MAP2K5: variants seen among roughly 807,000 people sequenced by gnomAD.
MAP2K5 encodes dual specificity mitogen-activated protein kinase kinase 5.
Under a neutral mutation model 83.1 loss-of-function variants are expected in MAP2K5, and 49 were observed. That is an observed-to-expected ratio of 0.59 (90% CI 0.47 to 0.75). MAP2K5 has a LOEUF of 0.75. Ranked by LOEUF, MAP2K5 falls within the 30% of genes least tolerant of loss-of-function variation. The pLI, the probability that MAP2K5 is intolerant of heterozygous loss-of-function variation, is 0.00. For synonymous variants in MAP2K5, 202 were observed against 191.8 expected, an observed-to-expected ratio of 1.05 and a Z score of -0.44; for missense variants, 457 against 557.5, an observed-to-expected ratio of 0.82 and a Z score of 1.82.
chr15:67,630,474 A>G (rs2086446751), intron 8 of MAP2K5, among the ~76,000 whole-genome samples: 2 of 152,036 alleles, frequency 1.3e-5, no homozygotes, highest in Non-Finnish European at 2.9e-5. Flanking sequence ...AAAAAAAAGC[A>G]AAATGGCTCT....
At position 67,708,866 on chromosome 15, in the gene MAP2K5, A is replaced by C. The variant is rs1480973853; in HGVS notation, c.1044+5458A>C. On this transcript the variant is annotated intron_variant, in intron 16 of 21. Transcript: ENST00000178640. This position sits in a 1 kb window ranked among gnomAD's most constrained non-coding sequence, Gnocchi z 4.9. The stretch of plus-strand genomic sequence containing the variant: ...AGCAAAGAAACTTTAATATCAGACT[A>C]TCTTTTATCCAGGGACAGAATCGCT... 6.6e-6 allele frequency among the ~76,000 whole-genome samples: 1 copy of C among 152,022 alleles called. No homozygotes were observed. The highest frequency in any genetic ancestry group is 2.4e-5 in the African/African-American group (1 of 41,388).
At chr15:67,688,815 CAAAAAGACT>C (rs1330597151) in intron 13 of MAP2K5, among the ~76,000 whole-genome samples, 3 of 152,138 alleles carry the variant, frequency 2.0e-5, no homozygotes, top group Admixed American at 6.6e-5. Context: ...GTGACAGGAT[CAAAAAGACT>C]AAAACCCAGG....
intron 8 of MAP2K5, among the ~76,000 whole-genome samples, chr15:67,626,719 C>G (rs561657815): frequency 6.6e-6 from 1 of 150,394 alleles, no homozygotes; most frequent in South Asian, 2.1e-4. Flanking sequence ...GGCAACATGG[C>G]AAGACTTCAT....
At chr15:67,641,793 C>T (rs1390047562) in intron 9 of MAP2K5, 1 of 190,120 alleles carries the variant, frequency 5.3e-6, no homozygotes, top group Non-Finnish European at 9.7e-6. Context: ...TCCTTGGACT[C>T]CAAAAAGAAA....
In MAP2K5 at chr15:67,572,986, G is replaced by A. The variant is rs147572517; in HGVS notation, c.253-7768G>A. ...GCTGGGATTACAGGCGTGAGCCACC[G>A]TGCCTGGCCTGATATTATTTTGTTT... On this transcript the variant is annotated intron_variant, in intron 3 of 21. Transcript: ENST00000178640. This position sits in a 1 kb window ranked among gnomAD's most constrained non-coding sequence, Gnocchi z 4.2. Among the ~76,000 whole-genome samples the A allele has an allele frequency of 0.012, 1,753 of 152,200 alleles. 45 individuals carry two copies. Among genetic ancestry groups the A allele is most frequent in the African/African-American group, 0.04 (1,664 of 41,538 alleles).
chr15:67,685,544 A>C (rs2087932531), intron 13 of MAP2K5, among the ~76,000 whole-genome samples: 1 of 152,220 alleles, frequency 6.6e-6, no homozygotes, highest in Non-Finnish European at 1.5e-5. Flanking sequence ...ATGTTTTCTC[A>C]CTTCTAAATG....
intron 21 of MAP2K5, among the ~76,000 whole-genome samples, chr15:67,792,751 C>A (rs572305092): frequency 6.6e-6 from 1 of 152,190 alleles, no homozygotes; most frequent in African/African-American, 2.4e-5. Context: ...TTCCGCCCCC[C>A]GCTTTGACCA....
chr15:67,785,581 G>A lies in MAP2K5; in HGVS notation c.1242+12829G>A, dbSNP rs1436956976. Among the ~76,000 whole-genome samples the A allele has an allele frequency of 6.6e-6, 1 of 152,180 alleles. No individual in the cohort carries two copies. Among genetic ancestry groups the A allele is most frequent in the African/African-American group, 2.4e-5 (1 of 41,438 alleles). ...ACAATCGGGGTCCATCTTGAAGGGAGAGGGGAAACAGCAAGGAGAAGACAA... is the reference window on the plus strand; with the variant it reads ...ACAATCGGGGTCCATCTTGAAGGGAAAGGGGAAACAGCAAGGAGAAGACAA... On this transcript the variant is annotated intron_variant, in intron 21 of 21. Coordinates refer to ENST00000178640, the MANE Select transcript of MAP2K5 (RefSeq NM_145160.3). This position sits in a 1 kb window ranked among gnomAD's most constrained non-coding sequence, Gnocchi z 4.4.
chr15:67,582,059 CTTTTTTTT>C (rs944586636), intron 4 of MAP2K5, among the ~76,000 whole-genome samples: 4 of 122,724 alleles, frequency 3.3e-5, no homozygotes, highest in Non-Finnish European at 5.2e-5. Context: ...TAGATGATTT[CTTTTTTTT>C]TTTTTTTTTT....
chr15:67,688,121 G>C (rs1263485740), intron 13 of MAP2K5, among the ~76,000 whole-genome samples: 1 of 152,238 alleles, frequency 6.6e-6, no homozygotes, highest in African/African-American at 2.4e-5. Context: ...ATTTGTGGAA[G>C]CATAGTAGTA....
At chr15:67,715,654 G>A (rs1446117784) in intron 16 of MAP2K5, among the ~76,000 whole-genome samples, 1 of 152,090 alleles carries the variant, frequency 6.6e-6, no homozygotes, top group Non-Finnish European at 1.5e-5. Context: ...TTAAAAAAAA[G>A]CAAAGTCTTG....
rs567143715 is a variant in MAP2K5, at chr15:67,565,234, A to T, written c.252+1884A>T. Among the ~76,000 whole-genome samples the T allele has an allele frequency of 1.3e-4, 19 of 150,332 alleles. No individual in the cohort carries two copies. Among genetic ancestry groups the T allele is most frequent in the Admixed American group, 3.3e-4 (5 of 15,100 alleles). On this transcript the variant is annotated intron_variant, in intron 3 of 21. Coordinates refer to ENST00000178640, the MANE Select transcript of MAP2K5 (RefSeq NM_145160.3). This position sits in a 1 kb window ranked among gnomAD's most constrained non-coding sequence, Gnocchi z 4.1. The stretch of plus-strand genomic sequence containing the variant: ...TTTTTTTATGTCATCACTGTTATTT[A>T]TTTTTTTTTCTCCGAGATGGAGTCT...
chr15:67,567,709 A>G (rs1051375494), intron 3 of MAP2K5, among the ~76,000 whole-genome samples: 5 of 152,200 alleles, frequency 3.3e-5, no homozygotes, highest in Non-Finnish European at 7.3e-5. Context: ...ATTAGAAAAA[A>G]AATACACACA....
chr15:67,586,046 A>T (rs528905205), intron 5 of MAP2K5, 116 bp downstream of exon 5: 9 of 939,630 alleles, frequency 9.6e-6, no homozygotes, highest in Middle Eastern at 2.1e-4. Context: ...CGATCCTTTT[A>T]TTTTTTTTAA....
In MAP2K5 at chr15:67,790,770, A is replaced by G. The variant is rs1381897741; in HGVS notation, c.1243-15876A>G. Among the ~76,000 whole-genome samples the G allele has an allele frequency of 1.3e-5, 2 of 152,188 alleles. No individual in the cohort carries two copies. The highest frequency in any genetic ancestry group is 4.8e-5 in the African/African-American group (2 of 41,450). ...CTGTGTCCTAATGTCTGCCACACTT[A>G]GTGCTGAACATGTGTTAGGTGTTAT... is the stretch of plus-strand genomic sequence containing the variant. On this transcript the variant is annotated intron_variant, in intron 21 of 21. Coordinates refer to ENST00000178640, the MANE Select transcript of MAP2K5 (RefSeq NM_145160.3). The surrounding 1 kb of genome is among the most constrained non-coding windows in gnomAD (Gnocchi z 4.6).
chr15:67,586,554 T>TA (rs1857372751), intron 5 of MAP2K5, among the ~76,000 whole-genome samples: 1 of 152,232 alleles, frequency 6.6e-6, no homozygotes. Context: ...TTTTTGAACA[T>TA]ACTGTTTTTA....
At chr15:67,691,572 T>G (rs1687071116) in intron 13 of MAP2K5, among the ~76,000 whole-genome samples, 2 of 152,216 alleles carry the variant, frequency 1.3e-5, no homozygotes, top group Admixed American at 1.3e-4. Context: ...TATGCTGTTT[T>G]AAATATAACC....
chr15:67,795,322 T>C (rs571348743), intron 21 of MAP2K5, among the ~76,000 whole-genome samples: 1 of 152,364 alleles, frequency 6.6e-6, no homozygotes, highest in African/African-American at 2.4e-5. Flanking sequence ...ATTAAACACT[T>C]AGCTCATAAA....
At chr15:67,754,240 A>AT (rs1054782652) in intron 19 of MAP2K5, among the ~76,000 whole-genome samples, 6 of 152,284 alleles carry the variant, frequency 3.9e-5, no homozygotes, top group East Asian at 1.9e-4. Context: ...GGTGAATTTT[A>AT]TTTTTTGTGA....
Sources: allele counts gnomAD v4.1 joint callset (sites outside exome capture counted in the v4.1 genomes callset), GRCh38; gene constraint gnomAD v4.1.1; non-coding constraint Gnocchi (gnomAD v3.1); transcripts MANE v1.5; gene names NCBI Gene and HGNC (gene_info 2026-07-23, HGNC 2026-07-21).